Variants in GFRA3 observed in about 807,000 individuals in gnomAD.
GFRA3 encodes the protein GDNF family receptor alpha-3.
A neutral mutation model predicts 40.0 loss-of-function variants in GFRA3; 24 were observed. That is an observed-to-expected ratio of 0.60 (90% CI 0.43 to 0.84). The LOEUF is 0.84. GFRA3 is among the 40% of genes least tolerant of loss of function. GFRA3 has a pLI of 0.00. For missense variants in GFRA3, 405 were observed against 530.6 expected (o/e 0.76, Z 2.33); for synonymous variants, 203 against 213.5 (o/e 0.95, Z 0.43).
At chr5:138,271,888 T>A in intron 1 of GFRA3, among the ~76,000 whole-genome samples, 1 of 134,254 alleles carries the variant, frequency 7.4e-6, no homozygotes, top group Non-Finnish European at 1.6e-5. Context: ...GTATTTTCTT[T>A]TCTGTTTTTT....
chr5:138,254,188 T>C (rs1755594298), intron 4 of GFRA3, 28 bp from the exon 5 acceptor site: 3 of 279,058 alleles, frequency 1.1e-5, no homozygotes, highest in East Asian at 2.4e-4. Context: ...TCTGTCTTTC[T>C]TTTTTTTTTT....
At chr5:138,260,809 C>T in intron 2 of GFRA3, among the ~76,000 whole-genome samples, 1 of 150,072 alleles carries the variant, frequency 6.7e-6, no homozygotes, top group Non-Finnish European at 1.5e-5. Flanking sequence ...AGGAATATTC[C>T]TTGAACCTAG....
In GFRA3 at chr5:138,252,650, A is replaced by G. The variant is rs1278149178; in HGVS notation, c.*318T>C. ...ACCCTAATCTGGAATGCAATAGAGA[A>G]TGGCTAACTTATTAGATTCTGGTGA... is the stretch of plus-strand genomic sequence containing the variant. On this transcript the variant is annotated 3_prime_UTR_variant, in exon 8 of 8. Transcript: ENST00000274721. 1 of 240,420 alleles carries G rather than the reference A, an allele frequency of 4.2e-6. No homozygotes were observed. The highest frequency in any genetic ancestry group is 8.2e-6 in the Non-Finnish European group (1 of 122,214). 14.9% of individuals were successfully genotyped at this position (240,420 alleles called of 1,614,324 possible).
At chr5:138,255,950 G>T in intron 4 of GFRA3, among the ~76,000 whole-genome samples, 1 of 151,384 alleles carries the variant, frequency 6.6e-6, no homozygotes, top group Non-Finnish European at 1.5e-5. Flanking sequence ...CAATCTGGCT[G>T]GGCACGGTGG....
chr5:138,253,221 G>C, intron 7 of GFRA3, 66 bp downstream of exon 7: 1 of 1,085,738 alleles, frequency 9.2e-7, no homozygotes, highest in Non-Finnish European at 1.4e-6. Flanking sequence ...CCCTTTGTCT[G>C]CCTAGTTTGG....
rs1367945622 is a variant in GFRA3, at chr5:138,256,226, G to A, written c.785+1413C>T. 7.0e-4 allele frequency among the ~76,000 whole-genome samples: 83 copies of A among 118,828 alleles called. 3 individuals are homozygous for A. Among genetic ancestry groups the A allele is most frequent in the Middle Eastern group, 6.3e-3 (1 of 158 alleles). 78.0% of individuals were successfully genotyped at this position (118,828 alleles called of 152,430 possible). On this transcript the variant is annotated intron_variant, in intron 4 of 7. Transcript: ENST00000274721. The stretch of plus-strand genomic sequence containing the variant: ...AGCCTGGGTGACAAAACAAGACTCC[G>A]TCTTAAAAAAAAAAAAAAATCGCTG...
intron 3 of GFRA3, among the ~76,000 whole-genome samples, chr5:138,258,166 CTTTTTT>C (rs66792829): frequency 1.2e-4 from 6 of 51,646 alleles, no homozygotes; most frequent in Admixed American, 2.6e-4. Context: ...CCCTACTCCT[CTTTTTT>C]TTTTTTTTTT....
Position 138,253,580 on chromosome 5 carries a change from G to C in GFRA3, c.1024+186C>G, listed in dbSNP as rs150011289. ...CCAGACAGGTTGAACAGGCAGCGTG[G>C]GAGGTTTCTCAGGGAGTGGGAGACA... On this transcript the variant is annotated intron_variant, in intron 6 of 7. Transcript: ENST00000274721. Among the ~76,000 whole-genome samples the C allele has an allele frequency of 2.8e-3, 433 of 152,274 alleles. 4 individuals are homozygous for C. Among genetic ancestry groups the C allele is most frequent in the African/African-American group, 0.01 (421 of 41,542 alleles).
intron 2 of GFRA3, among the ~76,000 whole-genome samples, chr5:138,261,080 A>C (rs1337511484): frequency 6.6e-6 from 1 of 152,206 alleles, no homozygotes; most frequent in Non-Finnish European, 1.5e-5. Context: ...CAGTAATAAA[A>C]TAATATAATG....
At position 138,274,320 on chromosome 5, in the gene GFRA3, G is replaced by A. The variant is rs774870199; in HGVS notation, c.91+14C>T. Reference sequence around the variant, plus strand: ...CCCACTGTACCCCCGGCCGGTGCGCGCTCTGACACTCACCGGCTGCGAGAG... The same window carrying A: ...CCCACTGTACCCCCGGCCGGTGCGCACTCTGACACTCACCGGCTGCGAGAG... On this transcript the variant is annotated intron_variant, in intron 1 of 7. Coordinates refer to ENST00000274721, the MANE Select transcript of GFRA3 (RefSeq NM_001496.4). The A allele has an allele frequency of 9.8e-6, 13 of 1,321,184 alleles. No individual in the cohort carries two copies. Among genetic ancestry groups the A allele is most frequent in the South Asian group, 2.7e-5 (1 of 36,996 alleles). 81.8% of individuals were successfully genotyped at this position (1,321,184 alleles called of 1,614,324 possible). A position where few individuals can be genotyped will look rare whatever the true frequency, so the allele number is the denominator to read the frequency against.
chr5:138,257,246 T>G (rs1755644359), intron 4 of GFRA3, among the ~76,000 whole-genome samples: 1 of 151,728 alleles, frequency 6.6e-6, no homozygotes, highest in African/African-American at 2.4e-5. Context: ...CCACACCACC[T>G]CCACAGAAAA....
At chr5:138,273,992 C>T (rs897124411) in intron 1 of GFRA3, among the ~76,000 whole-genome samples, 12 of 152,282 alleles carry the variant, frequency 7.9e-5, no homozygotes, top group African/African-American at 2.6e-4. Context: ...TGATTCTCCC[C>T]GCCTCTTAGA....
chr5:138,269,461 A>T (rs1274566712), intron 1 of GFRA3, among the ~76,000 whole-genome samples: 1 of 150,912 alleles, frequency 6.6e-6, no homozygotes, highest in Non-Finnish European at 1.5e-5. Flanking sequence ...ACTTGAACCC[A>T]GGAGGCGGAG....
rs1186512879 is a variant in GFRA3 at position 138,274,496 on chromosome 5, G to T, written c.-72C>A. The T allele has an allele frequency of 2.4e-6, 3 of 1,241,970 alleles. No individual in the cohort carries two copies. The highest frequency in any genetic ancestry group is 3.5e-5 in the South Asian group (1 of 28,202). 76.9% of individuals were successfully genotyped at this position (1,241,970 alleles called of 1,614,324 possible). ...GGAGCTCTGAGAGCGGGGCTCCCTC[G>T]ACCGGCACCTCCCGCCCCCGCCTCC... On this transcript the variant is annotated 5_prime_UTR_variant, in exon 1 of 8. Transcript: ENST00000274721.
Position 138,274,315 on chromosome 5 carries a change from T to C in GFRA3, c.91+19A>G. On this transcript the variant is annotated intron_variant, in intron 1 of 7. Transcript: ENST00000274721. Reference sequence around the variant, plus strand: ...CCCCTCCCACTGTACCCCCGGCCGGTGCGCGCTCTGACACTCACCGGCTGC... The same window carrying C: ...CCCCTCCCACTGTACCCCCGGCCGGCGCGCGCTCTGACACTCACCGGCTGC... 2 of 1,318,476 alleles carry C rather than the reference T, an allele frequency of 1.5e-6. No individual in the cohort carries two copies. Among genetic ancestry groups the C allele is most frequent in the Non-Finnish European group, 1.9e-6 (2 of 1,028,616 alleles). The allele number at this position is 1,318,476 out of a possible 1,614,324, so 81.7% of individuals were successfully genotyped here. A position where few individuals can be genotyped will look rare whatever the true frequency, so the allele number is the denominator to read the frequency against.
At chr5:138,268,284 G>GAAAAAGA (rs1554110896) in intron 1 of GFRA3, among the ~76,000 whole-genome samples, 1 of 33,148 alleles carries the variant, frequency 3.0e-5, no homozygotes, top group African/African-American at 1.1e-4. Context: ...GACTCCATCT[G>GAAAAAGA]AAAAAAAAAA....
chr5:138,263,423 T>C (rs189479318), intron 2 of GFRA3, among the ~76,000 whole-genome samples: 1 of 152,376 alleles, frequency 6.6e-6, no homozygotes, highest in African/African-American at 2.4e-5. Flanking sequence ...TTGTATATCC[T>C]CACTTATTGC....
At chr5:138,253,165 G>T in intron 7 of GFRA3, 108 bp from the exon 8 acceptor site, 1 of 843,738 alleles carries the variant, frequency 1.2e-6, no homozygotes, top group Non-Finnish European at 2.0e-6. Context: ...TCCATTAGAG[G>T]TCTCTAGTAT....
At chr5:138,254,949 AAGAAAG>A (rs1336598934) in intron 4 of GFRA3, among the ~76,000 whole-genome samples, 2 of 151,920 alleles carry the variant, frequency 1.3e-5, no homozygotes, top group Non-Finnish European at 2.9e-5. Context: ...AAGAAAAAAA[AAGAAAG>A]AGAAAGAGAG....
Sources: allele counts gnomAD v4.1 joint callset (sites outside exome capture counted in the v4.1 genomes callset), GRCh38; gene constraint gnomAD v4.1.1; transcripts MANE v1.5; gene names NCBI Gene and HGNC (gene_info 2026-07-23, HGNC 2026-07-21).